The following RUFY4 variants were observed in gnomAD, a reference collection of about 807,000 sequenced individuals.
RUFY4 encodes RUN and FYVE domain-containing protein 4.
Under a neutral mutation model 69.0 loss-of-function variants are expected in RUFY4, and 73 were observed. That is an observed-to-expected ratio of 1.06 (90% CI 0.88 to 1.29). The LOEUF is 1.29. Ranked by LOEUF, RUFY4 falls within the 50% of genes most tolerant of loss-of-function variation. The pLI, the probability that RUFY4 is intolerant of heterozygous loss-of-function variation, is 0.00. For synonymous variants in RUFY4, 287 were observed against 271.8 expected, an observed-to-expected ratio of 1.06 and a Z score of -0.55; for missense variants, 770 against 705.6, an observed-to-expected ratio of 1.09 and a Z score of -1.03.
chr2:218,067,053 A>T (rs904303431), upstream of RUFY4, among the ~76,000 whole-genome samples: 3 of 152,246 alleles, frequency 2.0e-5, no homozygotes, highest in Admixed American at 6.5e-5. Flanking sequence ...CTGCCTTGTC[A>T]GTCACCGTCT....
At chr2:218,037,599 G>T (rs763276237) in intron 2 of RUFY4, among the ~76,000 whole-genome samples, 24 of 152,248 alleles carry the variant, frequency 1.6e-4, no homozygotes, top group Non-Finnish European at 2.6e-4. Context: ...ATCTCAAATT[G>T]GATTTTTTAA....
Position 218,076,446 on chromosome 2 carries a change from G to T in RUFY4, c.1268G>T (p.Arg423Leu), listed in dbSNP as rs963842263. Residue 423 changes from arginine (R) to leucine (L), a missense_variant, in exon 8 of 11, where the codon CGG (arginine) becomes CTG (leucine). Physicochemically the swap from Arg to Leu is moderately radical, Grantham distance 102. Transcript: ENST00000344321. ...CCACAGAGCCTCAGACTTGGGCTCC[G>T]GAAGGCTGAGGAGCAGGCCCAGCGC... The T allele has an allele frequency of 5.2e-6, 8 of 1,549,722 alleles. No individual in the cohort carries two copies. In the Admixed American group the frequency reaches 1.6e-4, roughly 30 times the overall value.
At chr2:218,072,911 C>A in intron 4 of RUFY4, 26 bp downstream of exon 6, 1 of 1,479,992 alleles carries the variant, frequency 6.8e-7, no homozygotes, top group Non-Finnish European at 9.0e-7. Context: ...CATCCTCCTG[C>A]CGATGCCATC....
chr2:218,080,613 A>G (rs1015369875), intron 8 of RUFY4, among the ~76,000 whole-genome samples: 3 of 152,196 alleles, frequency 2.0e-5, no homozygotes, highest in African/African-American at 7.2e-5. Flanking sequence ...CGCTGGGAAT[A>G]AGACCTCAAG....
chr2:218,063,377 A>G (rs1689244926), intron 3 of RUFY4, among the ~76,000 whole-genome samples: 1 of 152,208 alleles, frequency 6.6e-6, no homozygotes, highest in Non-Finnish European at 1.5e-5. Flanking sequence ...GCCCAAGAAC[A>G]ATGTGGGTGA....
intron 2 of RUFY4, among the ~76,000 whole-genome samples, chr2:218,049,061 A>T (rs116119666): frequency 0.02 from 3,109 of 152,312 alleles, 50 homozygotes; most frequent in Non-Finnish European, 0.035. Context: ...AGAAATCTAC[A>T]TGGGGGAAGT....
At chr2:218,077,038 G>T (rs375151258) in intron 8 of RUFY4, among the ~76,000 whole-genome samples, 4 of 152,136 alleles carry the variant, frequency 2.6e-5, no homozygotes, top group Admixed American at 2.0e-4. Flanking sequence ...GTGCTTCTGC[G>T]TAACACCCTT....
At chr2:218,087,191 C>T (rs565664905) in intron 9 of RUFY4, among the ~76,000 whole-genome samples, 1 of 152,042 alleles carries the variant, frequency 6.6e-6, no homozygotes, top group Non-Finnish European at 1.5e-5. Flanking sequence ...GAATAGAATC[C>T]AATAGAATGT....
chr2:218,051,681 G>A (rs1688947339), intron 2 of RUFY4, among the ~76,000 whole-genome samples: 1 of 146,282 alleles, frequency 6.8e-6, no homozygotes, highest in African/African-American at 2.8e-5. Flanking sequence ...GTTTTGTAAA[G>A]GGAGTTTTGT....
chr2:218,079,596 C>G (rs1224178686), intron 8 of RUFY4, among the ~76,000 whole-genome samples: 1 of 152,062 alleles, frequency 6.6e-6, no homozygotes, highest in East Asian at 1.9e-4. Flanking sequence ...GCTGGGAGAT[C>G]GATCCTGGAG....
At chr2:218,073,849 A>T in exon 6 of RUFY4, 1 of 1,613,938 alleles carries the variant, frequency 6.2e-7, no homozygotes, top group Non-Finnish European at 8.5e-7. Context: ...AAACCCAGGG[A>T]AGGAGACCCA....
upstream of RUFY4, chr2:218,068,715 T>C (rs540611067): frequency 1.3e-5 from 2 of 152,590 alleles, no homozygotes; most frequent in Admixed American, 1.3e-4. Flanking sequence ...ACCTGGCCCA[T>C]TGCTGGGCAC....
intron 8 of RUFY4, among the ~76,000 whole-genome samples, chr2:218,079,585 C>T (rs6715102): frequency 0.097 from 14,723 of 152,038 alleles, 722 homozygotes; most frequent in South Asian, 0.16. Context: ...GGGAAGTGTG[C>T]GCTGGGAGAT....
intron 2 of RUFY4, among the ~76,000 whole-genome samples, chr2:218,053,480 A>G (rs1688989404): frequency 6.6e-6 from 1 of 151,734 alleles, no homozygotes; most frequent in Admixed American, 6.6e-5. Flanking sequence ...CAGGTAGCTC[A>G]GACTACAGGC....
chr2:218,090,306 A>G lies in RUFY4; in HGVS notation c.*252A>G, dbSNP rs1489336546. 8.8e-6 allele frequency: 3 copies of G among 340,584 alleles called. No homozygotes were observed. The East Asian group carries it at 2.2e-4, about 25-fold the overall frequency. The allele number at this position is 340,584 out of a possible 1,614,324, so 21.1% of individuals were successfully genotyped here. On this transcript the variant is annotated 3_prime_UTR_variant, in exon 11 of 11. Coordinates refer to ENST00000344321, the Ensembl canonical transcript of RUFY4. ...TCAGGGCTTCTTCTCTAATGTTAAGAGTTGGGCCCCATCCTCTCTAAAGTC... is the reference window on the plus strand; with the variant it reads ...TCAGGGCTTCTTCTCTAATGTTAAGGGTTGGGCCCCATCCTCTCTAAAGTC...
At chr2:218,089,074 A>T (rs1689964655) in intron 9 of RUFY4, among the ~76,000 whole-genome samples, 178 bp from the exon 12 acceptor site, 1 of 149,964 alleles carries the variant, frequency 6.7e-6, no homozygotes, top group Admixed American at 6.6e-5. Context: ...CCTGTCTCTG[A>T]ATCTCTTTTT....
At chr2:218,044,631 T>A (rs945256791) in intron 2 of RUFY4, among the ~76,000 whole-genome samples, 3 of 152,184 alleles carry the variant, frequency 2.0e-5, no homozygotes, top group African/African-American at 7.2e-5. Context: ...TGTGTGTTGT[T>A]CCTCTCTGTG....
intron 9 of RUFY4, among the ~76,000 whole-genome samples, chr2:218,086,159 G>T (rs1356602245): frequency 6.6e-6 from 1 of 152,132 alleles, no homozygotes; most frequent in Non-Finnish European, 1.5e-5. Context: ...CAGTCTCTTA[G>T]AAGGTAGAAT....
chr2:218,080,027 A>G (rs941735172), intron 8 of RUFY4, among the ~76,000 whole-genome samples: 3 of 152,318 alleles, frequency 2.0e-5, no homozygotes, highest in Middle Eastern at 3.4e-3. Flanking sequence ...CCCCAACCAC[A>G]TGAAAGACTG....
Sources: gnomAD v4.1 joint callset for allele counts (sites outside exome capture counted in the v4.1 genomes callset) on GRCh38, gnomAD v4.1.1 for gene constraint, MANE v1.5 for transcripts, NCBI Gene and HGNC (gene_info 2026-07-23, HGNC 2026-07-21) for gene names.